Variants in KIF16B observed in about 807,000 individuals in gnomAD.
KIF16B encodes kinesin-like protein KIF16B.
KIF16B carries 98 observed loss-of-function variants against 156.3 expected under a neutral mutation model. The ratio of observed to expected loss-of-function variants is 0.63; its 90% CI spans 0.53 to 0.74. KIF16B has a LOEUF of 0.74. Ranked by LOEUF, KIF16B falls within the 30% of genes least tolerant of loss-of-function variation. The pLI is 0.00. For missense variants in KIF16B, 1,421 were observed against 1,606.5 expected, an observed-to-expected ratio of 0.88 and a Z score of 1.97; for synonymous variants, 564 against 583.7, an observed-to-expected ratio of 0.97 and a Z score of 0.49.
intron 12 of KIF16B, among the ~76,000 whole-genome samples, chr20:16,455,950 G>A (rs926660675): frequency 6.6e-6 from 1 of 152,108 alleles, no homozygotes; most frequent in Non-Finnish European, 1.5e-5. Context: ...CGTCCTTCAC[G>A]GGTTCTCACA....
chr20:16,457,334 A>G lies in KIF16B; in HGVS notation c.1303-27352T>C, dbSNP rs77529876. Among the ~76,000 whole-genome samples, 1,051 of 152,324 alleles carry G rather than the reference A, an allele frequency of 6.9e-3. 9 individuals carry two copies. Among genetic ancestry groups the G allele is most frequent in the African/African-American group, 0.022 (913 of 41,570 alleles). On this transcript the variant is annotated intron_variant, in intron 12 of 25. Coordinates refer to ENST00000354981, the MANE Select transcript of KIF16B (RefSeq NM_024704.5). ...ATACATATTCTGAAAAGGACAAAAA[A>G]CATGTAAAGTTGCAAAACTTCTATT...
At chr20:16,556,123 A>T (rs2070839019) in intron 1 of KIF16B, among the ~76,000 whole-genome samples, 1 of 152,206 alleles carries the variant, frequency 6.6e-6, no homozygotes, top group Admixed American at 6.5e-5. Flanking sequence ...TCATCTTCAG[A>T]GGTGGTCCAG....
At chr20:16,443,487 C>A (rs1455275919) in intron 12 of KIF16B, among the ~76,000 whole-genome samples, 1 of 152,156 alleles carries the variant, frequency 6.6e-6, no homozygotes, top group African/African-American at 2.4e-5. Flanking sequence ...GAGTTCACAC[C>A]ATTTATATCG....
chr20:16,408,209 G>C (rs1246151428), intron 15 of KIF16B, among the ~76,000 whole-genome samples: 1 of 152,118 alleles, frequency 6.6e-6, no homozygotes, highest in African/African-American at 2.4e-5. Flanking sequence ...GGGAGCAACT[G>C]ATATGGGTTG....
intron 22 of KIF16B, chr20:16,368,781 C>A (rs539714153): frequency 3.0e-6 from 3 of 985,856 alleles, no homozygotes; most frequent in East Asian, 2.3e-4. Context: ...CCAAGCAGAG[C>A]ACCTTGCCTT....
intron 15 of KIF16B, among the ~76,000 whole-genome samples, chr20:16,407,309 T>C (rs1388644575): frequency 2.0e-5 from 3 of 152,130 alleles, no homozygotes; most frequent in African/African-American, 7.2e-5. Context: ...TCTTCTGAAG[T>C]CCCATCCATG....
At chr20:16,337,799 G>T (rs1273930538) in intron 23 of KIF16B, among the ~76,000 whole-genome samples, 2 of 152,156 alleles carry the variant, frequency 1.3e-5, no homozygotes, top group African/African-American at 4.8e-5. Context: ...GTCTTGGCTG[G>T]ACACAAACCA....
intron 23 of KIF16B, among the ~76,000 whole-genome samples, chr20:16,349,658 C>T (rs1374317848): frequency 1.3e-5 from 2 of 152,238 alleles, no homozygotes; most frequent in Non-Finnish European, 2.9e-5. Flanking sequence ...CACCAGTTTG[C>T]ACCTGCTGCC....
At chr20:16,440,596 T>C (rs2066773144) in intron 12 of KIF16B, among the ~76,000 whole-genome samples, 1 of 141,566 alleles carries the variant, frequency 7.1e-6, no homozygotes, top group African/African-American at 2.6e-5. Flanking sequence ...GGTACACATT[T>C]AGAACCAATG....
chr20:16,466,269 C>T (rs752163970), intron 12 of KIF16B, among the ~76,000 whole-genome samples: 13 of 152,202 alleles, frequency 8.5e-5, no homozygotes, highest in South Asian at 2.1e-4. Context: ...AAGTAAAAGC[C>T]GAACAAACTG....
intron 1 of KIF16B, among the ~76,000 whole-genome samples, chr20:16,551,116 T>C (rs1476575040): frequency 6.8e-6 from 1 of 147,600 alleles, no homozygotes; most frequent in Non-Finnish European, 1.5e-5. Context: ...AAACCACCAG[T>C]GAGGGGCTTT....
intron 23 of KIF16B, among the ~76,000 whole-genome samples, chr20:16,346,055 C>G (rs997510841): frequency 6.6e-6 from 1 of 152,214 alleles, no homozygotes; most frequent in African/African-American, 2.4e-5. Flanking sequence ...GGCAAGGGAA[C>G]AGTTGCCATC....
chr20:16,295,559 CTA>C (rs1047067565), intron 25 of KIF16B, among the ~76,000 whole-genome samples: 63 of 150,184 alleles, frequency 4.2e-4, no homozygotes, highest in African/African-American at 1.5e-3. Context: ...TCTTATTATA[CTA>C]TGTTTTATAT....
intron 14 of KIF16B, among the ~76,000 whole-genome samples, chr20:16,428,192 T>A (rs868244973): frequency 6.6e-6 from 1 of 152,172 alleles, no homozygotes; most frequent in African/African-American, 2.4e-5. Context: ...GGTGCAAAAG[T>A]AACTGTGGTT....
chr20:16,404,956 G>T (rs1047278390), intron 16 of KIF16B, 55 bp from the exon 17 acceptor site: 15 of 1,240,710 alleles, frequency 1.2e-5, no homozygotes, highest in Non-Finnish European at 1.5e-5. Flanking sequence ...AAAGGCCACT[G>T]CTCTGGACTC....
chr20:16,507,706 T>C (rs999342738), intron 7 of KIF16B, among the ~76,000 whole-genome samples: 1 of 152,226 alleles, frequency 6.6e-6, no homozygotes, highest in Non-Finnish European at 1.5e-5. Flanking sequence ...AGTTGTTTTA[T>C]GTCTAGAACA....
chr20:16,410,214 CATGTAGGTACATATACATAT>C (rs1300999622), intron 15 of KIF16B, among the ~76,000 whole-genome samples: 291 of 120,268 alleles, frequency 2.4e-3, no homozygotes, highest in East Asian at 0.022. Flanking sequence ...GGTACATATA[CATGTAGGTACATATACATAT>C]ATGTAGGTAC....
chr20:16,280,867 T>TGCGC (rs756229823), intron 25 of KIF16B, among the ~76,000 whole-genome samples: 4 of 150,788 alleles, frequency 2.7e-5, no homozygotes, highest in East Asian at 3.9e-4. Context: ...TGTGTGTGTG[T>TGCGC]GCGCAGAAAA....
intron 12 of KIF16B, among the ~76,000 whole-genome samples, chr20:16,473,172 A>G (rs923788213): frequency 2.6e-5 from 4 of 152,140 alleles, no homozygotes; most frequent in African/African-American, 4.8e-5. Context: ...TTAAAACCCA[A>G]CGGAAGTCCT....
Sources: allele counts gnomAD v4.1 joint callset (sites outside exome capture counted in the v4.1 genomes callset), GRCh38; gene constraint gnomAD v4.1.1; transcripts MANE v1.5; gene names NCBI Gene and HGNC (gene_info 2026-07-23, HGNC 2026-07-21).